Variants in PCDHA11 observed in about 807,000 individuals in gnomAD.
The protein encoded by PCDHA11 is protocadherin alpha-11.
In PCDHA11, 61 loss-of-function variants were observed where a neutral mutation model predicts 70.3. That is an observed-to-expected ratio of 0.87 (90% CI 0.71 to 1.07). PCDHA11 has a LOEUF of 1.07. Ranked by LOEUF, PCDHA11 falls within the 50% of genes least tolerant of loss-of-function variation. The pLI is 0.00. For missense variants in PCDHA11, 1,324 were observed against 1,237.5 expected, an observed-to-expected ratio of 1.07 and a Z score of -1.05; for synonymous variants, 633 against 555.1, an observed-to-expected ratio of 1.14 and a Z score of -1.97.
At chr5:140,985,154 G>T (rs2097139142) in intron 3 of PCDHA11, among the ~76,000 whole-genome samples, 1 of 152,086 alleles carries the variant, frequency 6.6e-6, no homozygotes, top group South Asian at 2.1e-4. Flanking sequence ...AGCCAGGATT[G>T]TCTCAATCTC....
At position 140,905,827 on chromosome 5, in the gene PCDHA11, A is replaced by T. The variant is rs140988076; in HGVS notation, c.2391+34333A>T. 2.2e-3 allele frequency among the ~76,000 whole-genome samples: 329 copies of T among 152,298 alleles called. 1 individual carries two copies. The highest frequency in any genetic ancestry group is 7.5e-3 in the African/African-American group (311 of 41,554). The stretch of plus-strand genomic sequence containing the variant: ...CAGAATTAATAGGCTAGATGTGTAT[A>T]TAAAGGGGAGTTTATTAAGGAGTAT... On this transcript the variant is annotated intron_variant, in intron 1 of 3. Coordinates refer to ENST00000398640, the MANE Select transcript of PCDHA11 (RefSeq NM_018902.5).
At chr5:140,884,193 C>T (rs1554181316) in intron 1 of PCDHA11, 2 of 1,613,432 alleles carry the variant, frequency 1.2e-6, no homozygotes, top group African/African-American at 1.3e-5. Flanking sequence ...GAGGTGGACG[C>T]GCCGCACCAC....
intron 1 of PCDHA11, among the ~76,000 whole-genome samples, chr5:140,885,665 G>A (rs2060682140): frequency 6.6e-6 from 1 of 152,114 alleles, no homozygotes; most frequent in Non-Finnish European, 1.5e-5. Flanking sequence ...CCAGTTATGA[G>A]CACTCTTTCT....
intron 1 of PCDHA11, chr5:140,877,604 T>C: frequency 6.2e-7 from 1 of 1,613,886 alleles, no homozygotes. Flanking sequence ...TCCAGCCTGC[T>C]GGTGCTCACG....
chr5:140,978,915 A>T, intron 1 of PCDHA11, 34 bp from the exon 2 acceptor site: 3 of 1,613,970 alleles, frequency 1.9e-6, no homozygotes, highest in Non-Finnish European at 2.5e-6. Flanking sequence ...TTGTCTTGTC[A>T]TTTTAACAGA....
At chr5:140,873,476 G>A (rs2054312814) in intron 1 of PCDHA11, among the ~76,000 whole-genome samples, 1 of 151,958 alleles carries the variant, frequency 6.6e-6, no homozygotes, top group African/African-American at 2.4e-5. Flanking sequence ...CAAATTACTT[G>A]GACTGATTTC....
At chr5:140,898,622 A>C (rs1286354840) in intron 1 of PCDHA11, among the ~76,000 whole-genome samples, 1 of 152,172 alleles carries the variant, frequency 6.6e-6, no homozygotes, top group Admixed American at 6.5e-5. Context: ...GTCAGGTAGC[A>C]TAATGCCTCC....
chr5:140,869,139 AC>A lies in PCDHA11; in HGVS notation c.37del (p.Arg13AspfsTer65). 6.2e-7 allele frequency: 1 copy of A among 1,613,274 alleles called. No individual in the cohort carries two copies. ...TTCAGAGAAGGGGATTGGGCACCCCACGACTACAGCTCTGGCTTCTCCTCCT... is the reference window on the plus strand; with the variant it reads ...TTCAGAGAAGGGGATTGGGCACCCCAGACTACAGCTCTGGCTTCTCCTCCT... ...GFQRRGLGTP[R>X]LQLWLLLLEF... On this transcript the variant is annotated frameshift_variant, in exon 1 of 4. Transcript: ENST00000398640. LOFTEE classifies it high-confidence loss of function.
chr5:140,901,712 GAT>G lies in PCDHA11; in HGVS notation c.2391+30219_2391+30220del, dbSNP rs1187367855. Among the ~76,000 whole-genome samples, 6 of 152,218 alleles carry G rather than the reference GAT, an allele frequency of 3.9e-5. No homozygotes were observed. In the East Asian group the frequency reaches 9.6e-4, roughly 24 times the overall value. ...TTTTGTAGTTCTATATACATTTTCA[GAT>G]TGTCTTTTCTATTTCTGTGAAGAAT... On this transcript the variant is annotated intron_variant, in intron 1 of 3. Coordinates refer to ENST00000398640, the MANE Select transcript of PCDHA11 (RefSeq NM_018902.5).
chr5:140,919,335 G>A (rs1347619989), intron 1 of PCDHA11, among the ~76,000 whole-genome samples: 2 of 152,122 alleles, frequency 1.3e-5, no homozygotes, highest in African/African-American at 4.8e-5. Context: ...CTTTCAATCT[G>A]TTTGTATCTT....
In PCDHA11 at chr5:140,869,136, C is replaced by T. The variant is rs1554162510; in HGVS notation, c.33C>T (p.Thr11=). MFGFQRRGLG[T]PRLQLWLLLL... is the part of the protein sequence containing the mutation. ...GTTTTCAGAGAAGGGGATTGGGCACCCCACGACTACAGCTCTGGCTTCTCC... is the reference window on the plus strand; with the variant it reads ...GTTTTCAGAGAAGGGGATTGGGCACTCCACGACTACAGCTCTGGCTTCTCC... Residue 11 remains threonine (T), a synonymous_variant, in exon 1 of 4, where the codon ACC becomes ACT. Coordinates refer to ENST00000398640, the MANE Select transcript of PCDHA11 (RefSeq NM_018902.5). The T allele has an allele frequency of 3.1e-6, 5 of 1,613,054 alleles. No homozygotes were observed. The highest frequency in any genetic ancestry group is 1.1e-5 in the South Asian group (1 of 91,050).
rs1266651704 is a variant in PCDHA11, at chr5:140,877,267, G to A, written c.2391+5773G>A. ...GGTGGCGAAAGTGCGCGCGGTGGAC[G>A]CTGACTCCGGCTATAACGCTTGGCT... On this transcript the variant is annotated intron_variant, in intron 1 of 3. Coordinates refer to ENST00000398640, the MANE Select transcript of PCDHA11 (RefSeq NM_018902.5). 1.2e-5 allele frequency: 20 copies of A among 1,613,680 alleles called. No homozygotes were observed. Among genetic ancestry groups the A allele is most frequent in the Admixed American group, 6.7e-5 (4 of 59,982 alleles).
chr5:140,938,385 A>G (rs952402645), intron 1 of PCDHA11, among the ~76,000 whole-genome samples: 8 of 152,202 alleles, frequency 5.3e-5, no homozygotes, highest in Admixed American at 2.6e-4. Flanking sequence ...TAAATATTTA[A>G]TATGAAATAC....
intron 3 of PCDHA11, among the ~76,000 whole-genome samples, chr5:141,004,888 G>C (rs555046086): frequency 2.0e-5 from 3 of 152,132 alleles, no homozygotes; most frequent in Admixed American, 6.5e-5. Flanking sequence ...GTGCTATTGT[G>C]TCAGCTCTGC....
At chr5:140,884,637 A>G in intron 1 of PCDHA11, 2 of 1,610,636 alleles carry the variant, frequency 1.2e-6, no homozygotes, top group Non-Finnish European at 1.7e-6. Flanking sequence ...GGCCAGAGGG[A>G]GGAGGACTCA....
chr5:140,915,626 GTC>G (rs57920489), intron 1 of PCDHA11, among the ~76,000 whole-genome samples: 12,146 of 145,794 alleles, frequency 0.083, 491 homozygotes, highest in Middle Eastern at 0.12. Context: ...GTCTCTTTCT[GTC>G]TCTCTCTCTC....
chr5:140,953,316 T>G (rs782746401), intron 1 of PCDHA11, among the ~76,000 whole-genome samples: 3 of 152,138 alleles, frequency 2.0e-5, no homozygotes, highest in Non-Finnish European at 2.9e-5. Flanking sequence ...TGGGAAGAAT[T>G]TGATCATAGA....
chr5:140,943,129 G>T (rs2093422146), intron 1 of PCDHA11, among the ~76,000 whole-genome samples: 1 of 151,684 alleles, frequency 6.6e-6, no homozygotes, highest in South Asian at 2.1e-4. Flanking sequence ...GTGGTAGTGG[G>T]TGCCTGTAGT....
At chr5:140,892,553 C>T (rs2063570808) in intron 1 of PCDHA11, among the ~76,000 whole-genome samples, 1 of 152,170 alleles carries the variant, frequency 6.6e-6, no homozygotes, top group South Asian at 2.1e-4. Flanking sequence ...TTTCTCTAGT[C>T]CTTGGAGACT....
Sources: gnomAD v4.1 joint callset for allele counts (sites outside exome capture counted in the v4.1 genomes callset) on GRCh38, gnomAD v4.1.1 for gene constraint, MANE v1.5 for transcripts, NCBI Gene and HGNC (gene_info 2026-07-23, HGNC 2026-07-21) for gene names.